Variants in SPOP observed in about 807,000 individuals in gnomAD.
SPOP encodes speckle-type POZ protein.
In SPOP, 11 loss-of-function variants were observed where a neutral mutation model predicts 45.6. The ratio of observed to expected loss-of-function variants is 0.24; its 90% confidence interval spans 0.15 to 0.40. SPOP has a LOEUF of 0.40. Ranked by LOEUF, SPOP falls within the 10% of genes least tolerant of loss-of-function variation. The probability of loss-of-function intolerance (pLI) is 1.00; values close to 1 mark genes in which losing one functional copy is unlikely to be tolerated. For synonymous variants in SPOP, 166 were observed against 166.3 expected (o/e 1.00, Z 0.01); for missense variants, 152 against 465.6 (o/e 0.33, Z 6.20).
At chr17:49,629,236 T>A (rs1025215973) in intron 1 of SPOP, among the ~76,000 whole-genome samples, 1 of 151,280 alleles carries the variant, frequency 6.6e-6, no homozygotes, top group African/African-American at 2.4e-5. Context: ...CAAGACTCTA[T>A]CTCAAAAAAA....
chr17:49,657,028 A>G (rs1247776699), intron 1 of SPOP, among the ~76,000 whole-genome samples: 2 of 151,996 alleles, frequency 1.3e-5, no homozygotes, highest in African/African-American at 2.4e-5. Context: ...AAAAAAAAAT[A>G]CAAAAAATTA....
chr17:49,655,654 C>A (rs1192687945), intron 1 of SPOP, among the ~76,000 whole-genome samples: 1 of 152,050 alleles, frequency 6.6e-6, no homozygotes, highest in Non-Finnish European at 1.5e-5. Context: ...TAAAAGACAT[C>A]ATGGGAGTGA....
At chr17:49,630,039 T>C (rs2143362556) in intron 1 of SPOP, among the ~76,000 whole-genome samples, 1 of 152,310 alleles carries the variant, frequency 6.6e-6, no homozygotes, top group East Asian at 1.9e-4. Flanking sequence ...TGTTAGGGAC[T>C]TTTTAAAAGC....
At chr17:49,614,974 T>G (rs2072053265) in intron 5 of SPOP, among the ~76,000 whole-genome samples, 1 of 151,940 alleles carries the variant, frequency 6.6e-6, no homozygotes, top group African/African-American at 2.4e-5. Flanking sequence ...TCCTCCTGCT[T>G]CACCCTCCCA....
intron 1 of SPOP, among the ~76,000 whole-genome samples, chr17:49,677,373 G>C (rs143478626): frequency 2.2e-3 from 331 of 152,324 alleles, no homozygotes; most frequent in Middle Eastern, 6.8e-3. Context: ...TGTAGCCTGG[G>C]AGTCTCTAGG....
chr17:49,641,295 T>C (rs1270052441), intron 1 of SPOP, among the ~76,000 whole-genome samples: 1 of 139,472 alleles, frequency 7.2e-6, no homozygotes, highest in Non-Finnish European at 1.5e-5. Flanking sequence ...AAAAAAGCAA[T>C]TCCCTCCGTT....
chr17:49,636,524 A>C (rs2072545850), intron 1 of SPOP, among the ~76,000 whole-genome samples: 1 of 152,206 alleles, frequency 6.6e-6, no homozygotes, highest in Non-Finnish European at 1.5e-5. Context: ...GAAGACACTT[A>C]TAGAAAATGT....
Position 49,599,351 on chromosome 17 carries a change from G to C in SPOP, c.*1027C>G, listed in dbSNP as rs1169125351. The C allele has an allele frequency of 4.4e-6, 1 of 225,200 alleles. No individual in the cohort carries two copies. 14.0% of individuals were successfully genotyped at this position (225,200 alleles called of 1,614,324 possible). A position where few individuals can be genotyped will look rare whatever the true frequency, so the allele number is the denominator to read the frequency against. ...AACATTTGGAAGTTCTCCCCTGGAG[G>C]AAGAGGGGCTAGTCAGAAGGAACAG... On this transcript the variant is annotated 3_prime_UTR_variant, in exon 10 of 10. Transcript: ENST00000504102.
At position 49,598,965 on chromosome 17, in the gene SPOP, T is replaced by A; in HGVS notation, c.*1413A>T. The A allele has an allele frequency of 5.1e-6, 1 of 195,772 alleles. No individual in the cohort carries two copies. The allele number at this position is 195,772 out of a possible 1,614,324, so 12.1% of individuals were successfully genotyped here. ...TTATATTTAGTTAGAAGAAGGGAGG[T>A]GGGGATTAGGTCTTAAAACATACGG... On this transcript the variant is annotated 3_prime_UTR_variant, in exon 10 of 10. Coordinates refer to ENST00000504102, the MANE Select transcript of SPOP (RefSeq NM_001007228.2).
intron 5 of SPOP, 85 bp downstream of exon 5, chr17:49,618,896 C>T (rs2143258038): frequency 6.7e-7 from 1 of 1,483,902 alleles, no homozygotes; most frequent in Non-Finnish European, 9.0e-7. Context: ...TTTTCTTACT[C>T]TACATCCCTG....
At chr17:49,675,431 T>C (rs1184188411) in intron 1 of SPOP, among the ~76,000 whole-genome samples, 2 of 152,200 alleles carry the variant, frequency 1.3e-5, no homozygotes, top group African/African-American at 2.4e-5. Context: ...TAGGTGTATA[T>C]GCTTGTAAAA....
intron 1 of SPOP, among the ~76,000 whole-genome samples, chr17:49,652,480 G>A (rs1185202350): frequency 1.3e-5 from 2 of 152,174 alleles, no homozygotes; most frequent in East Asian, 1.9e-4. Flanking sequence ...AGGAGAAAGT[G>A]TTTCTGGCCT....
intron 1 of SPOP, among the ~76,000 whole-genome samples, chr17:49,661,170 T>C (rs1253162079): frequency 1.3e-5 from 2 of 152,126 alleles, no homozygotes; most frequent in African/African-American, 4.8e-5. Flanking sequence ...AGTAACAAAA[T>C]TTGTGAAAGC....
chr17:49,661,770 T>C (rs560695645), intron 1 of SPOP, among the ~76,000 whole-genome samples: 2 of 152,252 alleles, frequency 1.3e-5, no homozygotes, highest in African/African-American at 4.8e-5. Context: ...TCCCAGCAGT[T>C]TGGGAGGCTG....
intron 6 of SPOP, 141 bp downstream of exon 6, chr17:49,611,139 C>T (rs1022826936): frequency 4.0e-5 from 37 of 921,558 alleles, no homozygotes; most frequent in South Asian, 1.2e-4. Flanking sequence ...GCATTGTTAC[C>T]GGAATACAAA....
chr17:49,633,826 TG>T (rs1406000751), intron 1 of SPOP, among the ~76,000 whole-genome samples: 2 of 152,134 alleles, frequency 1.3e-5, no homozygotes, highest in Non-Finnish European at 2.9e-5. Flanking sequence ...AAAGGATTAC[TG>T]AGCTAAACAC....
At chr17:49,659,230 T>C (rs910615663) in intron 1 of SPOP, among the ~76,000 whole-genome samples, 14 of 152,212 alleles carry the variant, frequency 9.2e-5, no homozygotes, top group Middle Eastern at 3.2e-3. Flanking sequence ...TCATTTTCAA[T>C]GTACGAAAAT....
chr17:49,628,240 T>C (rs1289407212), intron 1 of SPOP, among the ~76,000 whole-genome samples: 2 of 152,252 alleles, frequency 1.3e-5, no homozygotes, highest in African/African-American at 2.4e-5. Context: ...ACTCTGAGGC[T>C]GAACATATAC....
At chr17:49,616,287 G>C (rs751162348) in intron 5 of SPOP, among the ~76,000 whole-genome samples, 1 of 152,036 alleles carries the variant, frequency 6.6e-6, no homozygotes, top group African/African-American at 2.4e-5. Context: ...GTGGCCTCTG[G>C]GAGCACCAGA....
Sources: gnomAD v4.1 joint callset for allele counts (sites outside exome capture counted in the v4.1 genomes callset) on GRCh38, gnomAD v4.1.1 for gene constraint, MANE v1.5 for transcripts, NCBI Gene and HGNC (gene_info 2026-07-23, HGNC 2026-07-21) for gene names.